SCO1: variants seen among roughly 807,000 people sequenced by gnomAD.
SCO1 encodes cytochrome c oxidase assembly factor SCO1.
In SCO1, 23 loss-of-function variants were observed where a neutral mutation model predicts 34.0. The observed-to-expected ratio is 0.68, with a 90% confidence interval of 0.49 to 0.96. The LOEUF is 0.96. SCO1 is among the 40% of genes least tolerant of loss of function. SCO1 has a pLI of 0.00. For missense variants in SCO1, 404 were observed against 381.6 expected (o/e 1.06, Z -0.49); for synonymous variants, 161 against 145.5 (o/e 1.11, Z -0.77).
intron 3 of SCO1, 34 bp from the exon 4 acceptor site, chr17:10,691,998 C>T (rs771141960): frequency 6.9e-7 from 1 of 1,438,912 alleles, no homozygotes; most frequent in African/African-American, 1.4e-5. Flanking sequence ...CGTATTCACA[C>T]CCTAAGGGAA....
chr17:10,693,332 T>C (rs1191626710), intron 2 of SCO1, among the ~76,000 whole-genome samples: 2 of 152,076 alleles, frequency 1.3e-5, no homozygotes, highest in Admixed American at 6.5e-5. Flanking sequence ...AGTCTGATCC[T>C]GAGGGTGCTA....
chr17:10,689,676 G>C (rs147953079), intron 4 of SCO1, among the ~76,000 whole-genome samples: 127 of 152,218 alleles, frequency 8.3e-4, no homozygotes, highest in African/African-American at 3.0e-3. Context: ...TTCCTCCATT[G>C]AAAGTAATAC....
intron 5 of SCO1, among the ~76,000 whole-genome samples, chr17:10,686,459 G>A (rs1425502122): frequency 6.6e-6 from 1 of 151,002 alleles, no homozygotes; most frequent in Non-Finnish European, 1.5e-5. Context: ...GCGCGCACCT[G>A]TAATCCCAGC....
At position 10,689,851 on chromosome 17, in the gene SCO1, C is replaced by G. The variant is rs58303589; in HGVS notation, c.655+2021G>C. Among the ~76,000 whole-genome samples, 210 of 152,122 alleles carry G rather than the reference C, an allele frequency of 1.4e-3. 1 individual carries two copies. The highest frequency in any genetic ancestry group is 4.8e-3 in the African/African-American group (199 of 41,492). ...AGTAACCACAACAGCATGGTACTGG[C>G]ATAAAAACAGACACACAGACCAATG... is the stretch of plus-strand genomic sequence containing the variant. On this transcript the variant is annotated intron_variant, in intron 4 of 5. Coordinates refer to ENST00000255390, the MANE Select transcript of SCO1 (RefSeq NM_004589.4).
rs1242837968 is a variant in SCO1, at chr17:10,695,445, T to C, written c.364+296A>G. On this transcript the variant is annotated intron_variant, in intron 2 of 5. Coordinates refer to ENST00000255390, the MANE Select transcript of SCO1 (RefSeq NM_004589.4). ...TTATGCAGTGGTATCCTAGCTTGGATCCTGGAACAAATAAAAGACATTGAT... is the reference window on the plus strand; with the variant it reads ...TTATGCAGTGGTATCCTAGCTTGGACCCTGGAACAAATAAAAGACATTGAT... 4 of 371,408 alleles carry C rather than the reference T, an allele frequency of 1.1e-5. No individual in the cohort carries two copies. The East Asian group carries it at 2.6e-4, about 24-fold the overall frequency. 23.0% of individuals were successfully genotyped at this position (371,408 alleles called of 1,614,324 possible). A position where few individuals can be genotyped will look rare whatever the true frequency, so the allele number is the denominator to read the frequency against.
chr17:10,690,130 T>A (rs904338841), intron 4 of SCO1, among the ~76,000 whole-genome samples: 3 of 152,010 alleles, frequency 2.0e-5, no homozygotes, highest in Non-Finnish European at 2.9e-5. Flanking sequence ...AGGACATTAG[T>A]CTGGGAAAAA....
rs2074593334 is a variant in SCO1, at chr17:10,678,010, G to A, written c.*3109C>T. The A allele has an allele frequency of 6.6e-6, 1 of 152,420 alleles. No homozygotes were observed. Among genetic ancestry groups the A allele is most frequent in the Non-Finnish European group, 1.5e-5 (1 of 68,238 alleles). The allele number at this position is 152,420 out of a possible 1,614,324, so 9.4% of individuals were successfully genotyped here. On this transcript the variant is annotated 3_prime_UTR_variant, in exon 6 of 6. Coordinates refer to ENST00000255390, the MANE Select transcript of SCO1 (RefSeq NM_004589.4). ...CATGCTTGTAATCCCAGCTACTTGG[G>A]AGGCTGAGGCAGGAGAATTGCTTGA...
chr17:10,691,335 G>C (rs2074687990), intron 4 of SCO1, among the ~76,000 whole-genome samples: 1 of 152,118 alleles, frequency 6.6e-6, no homozygotes, highest in South Asian at 2.1e-4. Context: ...TGGCCAGGCT[G>C]GTCTCAAACT....
At chr17:10,685,386 A>T (rs2074649605) in intron 5 of SCO1, among the ~76,000 whole-genome samples, 2 of 152,268 alleles carry the variant, frequency 1.3e-5, no homozygotes, top group Non-Finnish European at 2.9e-5. Context: ...TAGGAGAAAA[A>T]TGTCCAAATT....
Position 10,697,368 on chromosome 17 carries a change from C to T in SCO1, c.140G>A (p.Arg47Gln), listed in dbSNP as rs746265672. ...ARVLLRQFCA[R>Q]QAEAWRASGR... ...CGAGGCACGCCACGCCTCCGCTTGCCGCGCGCAGAACTGCCTCAGCAAGAC... is the reference window on the plus strand; with the variant it reads ...CGAGGCACGCCACGCCTCCGCTTGCTGCGCGCAGAACTGCCTCAGCAAGAC... The change falls in exon 1 of 6, where the codon CGG becomes CAG. Residue 47 changes from arginine to glutamine, a missense_variant. Physicochemically the swap from Arg to Gln is conservative, Grantham distance 43. Transcript: ENST00000255390. 80 of 1,595,474 alleles carry T rather than the reference C, an allele frequency of 5.0e-5. No homozygotes were observed. Among genetic ancestry groups the T allele is most frequent in the Non-Finnish European group, 6.6e-5 (77 of 1,170,964 alleles).
chr17:10,692,890 T>C lies in SCO1; in HGVS notation c.436A>G (p.Thr146Ala). 6.2e-7 allele frequency: 1 copy of C among 1,614,154 alleles called. No homozygotes were observed. ...TCCTTGTCAGTTTTACGCTCCCCAG[T>C]ATGAGTTGTGAGGGAAAACGGTCCC... The part of the protein sequence containing the change: ...LGGPFSLTTH[T>A]GERKTDKDYL... Residue 146 changes from threonine (T) to alanine (A), a missense_variant, in exon 3 of 6, where the codon ACT becomes GCT. By Grantham distance (58) the Thr-to-Ala change is moderately conservative. Transcript: ENST00000255390.
In SCO1 at chr17:10,676,791, T is replaced by C. The variant is rs1029577750; in HGVS notation, c.*4328A>G. 2.0e-5 allele frequency: 3 copies of C among 152,208 alleles called. No homozygotes were observed. Among genetic ancestry groups the C allele is most frequent in the East Asian group, 1.9e-4 (1 of 5,186 alleles). The allele number at this position is 152,208 out of a possible 1,614,324, so 9.4% of individuals were successfully genotyped here. On this transcript the variant is annotated 3_prime_UTR_variant, in exon 6 of 6. Transcript: ENST00000255390. ...ATTTTCTTCCTTCAACTTTTCTGTA[T>C]GCCAAACTTTCTTTACTGAGGATAT...
Position 10,675,501 on chromosome 17 carries a change from A to G in SCO1, c.*5618T>C, listed in dbSNP as rs908947361. The stretch of plus-strand genomic sequence containing the variant: ...AGGGTGCAAACAGTAAAAGGCATAA[A>G]TCTTAAGTTCAAAGTTTAATATGTT... On this transcript the variant is annotated 3_prime_UTR_variant, in exon 6 of 6. Coordinates refer to ENST00000255390, the MANE Select transcript of SCO1 (RefSeq NM_004589.4). 6.6e-6 allele frequency: 1 copy of G among 152,146 alleles called. No individual in the cohort carries two copies. Among genetic ancestry groups the G allele is most frequent in the Non-Finnish European group, 1.5e-5 (1 of 68,036 alleles). The allele number at this position is 152,146 out of a possible 1,614,324, so 9.4% of individuals were successfully genotyped here. A position where few individuals can be genotyped will look rare whatever the true frequency, so the allele number is the denominator to read the frequency against.
chr17:10,680,922 T>C lies in SCO1; in HGVS notation c.*197A>G. ...CACAGCTTCCTGGGAGACTTTGGGT[T>C]GTAATCTTTACAGTTCCAAGAATCA... On this transcript the variant is annotated 3_prime_UTR_variant, in exon 6 of 6. Coordinates refer to ENST00000255390, the MANE Select transcript of SCO1 (RefSeq NM_004589.4). 1.5e-6 allele frequency: 1 copy of C among 656,474 alleles called. No individual in the cohort carries two copies. The highest frequency in any genetic ancestry group is 2.8e-5 in the East Asian group (1 of 35,528). The allele number at this position is 656,474 out of a possible 1,614,324, so 40.7% of individuals were successfully genotyped here. A position where few individuals can be genotyped will look rare whatever the true frequency, so the allele number is the denominator to read the frequency against.
intron 5 of SCO1, among the ~76,000 whole-genome samples, chr17:10,681,711 G>GCTTT (rs2074623045): frequency 6.6e-6 from 1 of 152,162 alleles, no homozygotes; most frequent in Non-Finnish European, 1.5e-5. Context: ...GTGAAAAACT[G>GCTTT]CTTTCTTTAG....
rs2074590751 is a variant in SCO1, at chr17:10,677,688, C to A, written c.*3431G>T. 1 of 152,176 alleles carries A rather than the reference C, an allele frequency of 6.6e-6. No homozygotes were observed. The highest frequency in any genetic ancestry group is 6.5e-5 in the Admixed American group (1 of 15,280). The allele number at this position is 152,176 out of a possible 1,614,324, so 9.4% of individuals were successfully genotyped here. On this transcript the variant is annotated 3_prime_UTR_variant, in exon 6 of 6. Transcript: ENST00000255390. ...AGCCAGACACATGAATACATTCATG[C>A]CTACTGCATTGATAGGATTCTTATA...
chr17:10,685,088 A>G (rs1234077959), intron 5 of SCO1, among the ~76,000 whole-genome samples: 1 of 152,236 alleles, frequency 6.6e-6, no homozygotes, highest in Non-Finnish European at 1.5e-5. Context: ...CCAGGGGCAC[A>G]CACGTTCCAG....
chr17:10,683,306 T>G (rs775304531), intron 5 of SCO1, among the ~76,000 whole-genome samples: 13 of 152,196 alleles, frequency 8.5e-5, no homozygotes, highest in Non-Finnish European at 1.9e-4. Flanking sequence ...TTGTTCTACG[T>G]TAGATTATAC....
At chr17:10,686,913 G>C (rs1015012744) in intron 4 of SCO1, 71 bp from the exon 5 acceptor site, 2 of 969,178 alleles carry the variant, frequency 2.1e-6, no homozygotes, top group Non-Finnish European at 3.4e-6. Context: ...TTCAAAAAAT[G>C]TATCAGTTGT....
Sources: allele counts gnomAD v4.1 joint callset (sites outside exome capture counted in the v4.1 genomes callset), GRCh38; gene constraint gnomAD v4.1.1; transcripts MANE v1.5; gene names NCBI Gene and HGNC (gene_info 2026-07-23, HGNC 2026-07-21).